Variants in SLC44A5 observed in about 807,000 individuals in gnomAD.
SLC44A5 encodes the protein solute carrier family 44 member 5, also known as choline transporter-like protein 5.
SLC44A5 carries 57 observed loss-of-function variants against 101.8 expected under a neutral mutation model. That is an observed-to-expected ratio of 0.56 (90% confidence interval 0.45 to 0.70). SLC44A5 has a LOEUF of 0.70. Ranked by LOEUF, SLC44A5 falls within the 30% of genes least tolerant of loss-of-function variation. The pLI, the probability that SLC44A5 is intolerant of heterozygous loss-of-function variation, is 0.00. For missense variants in SLC44A5, 737 were observed against 853.1 expected (o/e 0.86, Z 1.70); for synonymous variants, 281 against 290.9 (o/e 0.97, Z 0.35).
chr1:75,545,900 C>T (rs923259296), intron 1 of SLC44A5, among the ~76,000 whole-genome samples: 16 of 151,332 alleles, frequency 1.1e-4, no homozygotes, highest in African/African-American at 3.9e-4. Context: ...AAGCATGGCT[C>T]ACTGAAACCT....
rs768547762 is a variant in SLC44A5 at position 75,300,659 on chromosome 1, A to G, written c.128T>C (p.Met43Thr). The change falls in exon 5 of 24, where the codon ATG (methionine) becomes ACG (threonine). Residue 43 changes from methionine (M) to threonine (T), a missense_variant. Physicochemically the swap from Met to Thr is moderately conservative, Grantham distance 81. Around this residue, in one of 3 missense-constraint regions of SLC44A5, gnomAD observed 665 missense variants for 764.4 expected, o/e 0.87. Transcript: ENST00000370859. ...NRSCTDVLCC[M>T]IFLLCIIGYI... ...GCCAATAATACACAGTAGGAAGATC[A>G]TACAGCACAGAACATCTGTACAACT... The G allele has an allele frequency of 1.1e-5, 18 of 1,605,364 alleles. No individual in the cohort carries two copies. The highest frequency in any genetic ancestry group is 3.4e-5 in the Admixed American group (2 of 59,080).
intron 2 of SLC44A5, among the ~76,000 whole-genome samples, chr1:75,472,568 C>G (rs1667170325): frequency 6.6e-6 from 1 of 152,086 alleles, no homozygotes; most frequent in African/African-American, 2.4e-5. Context: ...ATATCAGCGC[C>G]CCAGGGTGCC....
the SLC44A5 span, among the ~76,000 whole-genome samples, chr1:75,633,584 T>C: frequency 0.1 from 15,455 of 152,144 alleles, 1,009 homozygotes; most frequent in East Asian, 0.25. Context: ...TCCTGAGACT[T>C]TGCTGAAGTT....
rs779677811 is a variant in SLC44A5 at position 75,248,056 on chromosome 1, T to G, written c.345+3154A>C. ...AATCCTTGTCCTTAAGCAATTTGTC[T>G]TCTAGTAGGGTGAGACAGGAACCAA... On this transcript the variant is annotated intron_variant, in intron 7 of 23. Coordinates refer to ENST00000370859, the MANE Select transcript of SLC44A5 (RefSeq NM_001130058.2). Among the ~76,000 whole-genome samples the G allele has an allele frequency of 2.8e-4, 42 of 152,234 alleles. 1 individual carries two copies. The highest frequency in any genetic ancestry group is 5.3e-4 in the Non-Finnish European group (36 of 68,008).
intron 2 of SLC44A5, among the ~76,000 whole-genome samples, chr1:75,401,523 G>C (rs1184086412): frequency 6.6e-6 from 1 of 152,192 alleles, no homozygotes; most frequent in Non-Finnish European, 1.5e-5. Context: ...CAAAAGGCAA[G>C]CATGGCCAGA....
the SLC44A5 span, among the ~76,000 whole-genome samples, chr1:75,706,233 T>G: frequency 2.6e-5 from 4 of 152,172 alleles, no homozygotes; most frequent in Non-Finnish European, 5.9e-5. Flanking sequence ...TGTTTTGATT[T>G]CTTCTTTAAC....
At chr1:75,528,026 T>C (rs1670515715) in intron 2 of SLC44A5, among the ~76,000 whole-genome samples, 3 of 152,238 alleles carry the variant, frequency 2.0e-5, no homozygotes, top group Non-Finnish European at 4.4e-5. Context: ...TTCAACTGTG[T>C]TGGTCTTTTC....
At chr1:75,549,793 G>A (rs1199279450) in intron 1 of SLC44A5, among the ~76,000 whole-genome samples, 2 of 152,102 alleles carry the variant, frequency 1.3e-5, no homozygotes, top group Admixed American at 6.6e-5. Flanking sequence ...GGATAAAAAT[G>A]AACTAGCTTG....
intron 2 of SLC44A5, among the ~76,000 whole-genome samples, chr1:75,420,947 T>C (rs1387026064): frequency 1.3e-5 from 2 of 152,002 alleles, no homozygotes; most frequent in African/African-American, 4.8e-5. Context: ...ATAGAATAAA[T>C]AGCCATTAGA....
At chr1:75,372,148 G>A (rs143889432) in intron 3 of SLC44A5, among the ~76,000 whole-genome samples, 96 of 133,064 alleles carry the variant, frequency 7.2e-4, no homozygotes, top group Admixed American at 5.4e-3. Context: ...AGTGAGCCAA[G>A]ATCATGCCAC....
intron 5 of SLC44A5, among the ~76,000 whole-genome samples, chr1:75,294,107 G>T (rs1653779937): frequency 6.6e-6 from 1 of 152,160 alleles, no homozygotes; most frequent in Admixed American, 6.5e-5. Context: ...TTAATTGGGA[G>T]ATATGATTTT....
chr1:75,391,407 C>CA (rs1661779272), intron 3 of SLC44A5, among the ~76,000 whole-genome samples: 1 of 152,102 alleles, frequency 6.6e-6, no homozygotes, highest in Non-Finnish European at 1.5e-5. Flanking sequence ...GCATCCTAAA[C>CA]AAAAAGAACA....
intron 3 of SLC44A5, among the ~76,000 whole-genome samples, chr1:75,343,949 T>A (rs1033800922): frequency 1.3e-5 from 2 of 152,150 alleles, no homozygotes; most frequent in African/African-American, 4.8e-5. Flanking sequence ...CCAACACACA[T>A]GGCTTTTTAC....
At chr1:75,718,957 A>T in the SLC44A5 span, among the ~76,000 whole-genome samples, 1 of 152,230 alleles carries the variant, frequency 6.6e-6, no homozygotes, top group Non-Finnish European at 1.5e-5. Context: ...ATAGTTATGT[A>T]CATATGTTCA....
chr1:75,497,483 G>T (rs1360585384), intron 2 of SLC44A5, among the ~76,000 whole-genome samples: 1 of 152,074 alleles, frequency 6.6e-6, no homozygotes, highest in Non-Finnish European at 1.5e-5. Context: ...GGAGTGTGGG[G>T]GGAGTGGTAG....
chr1:75,489,090 T>A (rs921503861), intron 2 of SLC44A5, among the ~76,000 whole-genome samples: 7 of 152,120 alleles, frequency 4.6e-5, no homozygotes, highest in Non-Finnish European at 8.8e-5. Flanking sequence ...TCAGGTGATC[T>A]GCCTGCCTCA....
chr1:75,493,706 G>A (rs1668534853), intron 2 of SLC44A5, among the ~76,000 whole-genome samples: 1 of 152,146 alleles, frequency 6.6e-6, no homozygotes, highest in Non-Finnish European at 1.5e-5. Flanking sequence ...ATGACTTACA[G>A]AATATAAAAC....
intron 4 of SLC44A5, among the ~76,000 whole-genome samples, chr1:75,324,103 T>A (rs780503153): frequency 4.6e-5 from 7 of 152,228 alleles, no homozygotes; most frequent in Non-Finnish European, 1.0e-4. Flanking sequence ...GATATGAACG[T>A]CTTTTGACTA....
chr1:75,377,007 G>C (rs960465765), intron 3 of SLC44A5, among the ~76,000 whole-genome samples: 1 of 152,144 alleles, frequency 6.6e-6, no homozygotes, highest in Non-Finnish European at 1.5e-5. Context: ...TGAAAACCAA[G>C]GCTCGAGAAC....
Sources: allele counts gnomAD v4.1 joint callset (sites outside exome capture counted in the v4.1 genomes callset), GRCh38; gene constraint gnomAD v4.1.1; regional missense constraint gnomAD v4.1.1; transcripts MANE v1.5; gene names NCBI Gene and HGNC (gene_info 2026-07-23, HGNC 2026-07-21).